Variants in MALRD1 observed in about 807,000 individuals in gnomAD.
The protein encoded by MALRD1 is MAM and LDL receptor class A domain containing 1.
MALRD1 carries 247 observed loss-of-function variants against 242.1 expected under a neutral mutation model. The ratio of observed to expected loss-of-function variants is 1.02; its 90% CI spans 0.92 to 1.13. The LOEUF (loss-of-function observed/expected upper bound fraction) is 1.13, where lower values mean the gene tolerates loss of function less well. MALRD1 is among the 50% of genes most tolerant of loss of function. MALRD1 has a pLI of 0.00. For missense variants in MALRD1, 2,989 were observed against 2,533.1 expected, an observed-to-expected ratio of 1.18 and a Z score of -3.86; for synonymous variants, 995 against 866.6, an observed-to-expected ratio of 1.15 and a Z score of -2.60.
At chr10:19,521,076 A>T (rs1161290216) in intron 31 of MALRD1, among the ~76,000 whole-genome samples, 1 of 152,162 alleles carries the variant, frequency 6.6e-6, no homozygotes, top group African/African-American at 2.4e-5. Flanking sequence ...AGTGAAAAAC[A>T]TGTGAATGAA....
rs1475224987 is a variant in MALRD1 at position 19,312,347 on chromosome 10, C to T, written c.3420-11602C>T. On this transcript the variant is annotated intron_variant, in intron 21 of 39. Coordinates refer to ENST00000454679, the MANE Select transcript of MALRD1 (RefSeq NM_001142308.3). ...CTATTTTTATGCTCTATTAATTAAC[C>T]TCTGGTTCAGTACAGGGCACAGAGG... Among the ~76,000 whole-genome samples the T allele has an allele frequency of 2.7e-5, 4 of 148,328 alleles. No homozygotes were observed. The East Asian group carries it at 7.9e-4, about 29-fold the overall frequency.
intron 33 of MALRD1, among the ~76,000 whole-genome samples, chr10:19,593,879 T>G (rs1327369117): frequency 6.6e-6 from 1 of 152,228 alleles, no homozygotes; most frequent in Non-Finnish European, 1.5e-5. Context: ...TGAAGCAGGT[T>G]ATCTTCAGGA....
At chr10:19,218,134 T>C (rs1402207987) in intron 18 of MALRD1, among the ~76,000 whole-genome samples, 1 of 152,134 alleles carries the variant, frequency 6.6e-6, no homozygotes, top group Non-Finnish European at 1.5e-5. Flanking sequence ...TTTATGTATA[T>C]AAGAGGCTTC....
chr10:19,552,466 T>C (rs1245413535), intron 32 of MALRD1, among the ~76,000 whole-genome samples: 1 of 152,116 alleles, frequency 6.6e-6, no homozygotes, highest in Non-Finnish European at 1.5e-5. Context: ...CTCTCTTTTC[T>C]TCTTTATTAG....
intron 38 of MALRD1, among the ~76,000 whole-genome samples, chr10:19,707,514 GAA>G (rs1485744119): frequency 6.6e-6 from 1 of 152,200 alleles, no homozygotes; most frequent in Admixed American, 6.5e-5. Context: ...AAAAGATTGA[GAA>G]AGAGATTTTC....
At chr10:19,627,638 G>T (rs1325816498) in intron 36 of MALRD1, among the ~76,000 whole-genome samples, 2 of 151,544 alleles carry the variant, frequency 1.3e-5, no homozygotes, top group East Asian at 3.9e-4. Flanking sequence ...GCAGGTTCCT[G>T]TAATCCCAGC....
chr10:19,079,099 G>T (rs764581910), intron 2 of MALRD1, among the ~76,000 whole-genome samples: 2 of 150,774 alleles, frequency 1.3e-5, no homozygotes, highest in Non-Finnish European at 3.0e-5. Flanking sequence ...ATCTTTCCTT[G>T]TTTAAATTTA....
At position 19,567,638 on chromosome 10, in the gene MALRD1, A is replaced by G; in HGVS notation, c.5615A>G (p.Asp1872Gly). ...PFKVAFEADL[D>G]GNEDIFIALD... ...AAGGTGGCATTTGAAGCTGATTTGG[A>G]TGGAAATGAGGACATCTTTATTGCT... The change falls in exon 33 of 40, where the codon GAT (aspartate) becomes GGT (glycine). Residue 1872 changes from aspartate to glycine, a missense_variant. Coordinates refer to ENST00000454679, the MANE Select transcript of MALRD1 (RefSeq NM_001142308.3). 6.4e-7 allele frequency: 1 copy of G among 1,550,710 alleles called. No individual in the cohort carries two copies. The highest frequency in any genetic ancestry group is 1.2e-5 in the South Asian group (1 of 84,056).
intron 38 of MALRD1, among the ~76,000 whole-genome samples, chr10:19,730,107 A>G (rs1226731634): frequency 6.6e-6 from 1 of 152,174 alleles, no homozygotes; most frequent in Admixed American, 6.5e-5. Flanking sequence ...AATTATAGTG[A>G]ATTATGCACA....
At chr10:19,297,310 T>C (rs1321800405) in intron 21 of MALRD1, among the ~76,000 whole-genome samples, 1 of 151,888 alleles carries the variant, frequency 6.6e-6, no homozygotes, top group African/African-American at 2.4e-5. Flanking sequence ...CTTTATGAAC[T>C]AATTTTCTCA....
intron 26 of MALRD1, among the ~76,000 whole-genome samples, chr10:19,370,402 G>T (rs1845322347): frequency 6.6e-6 from 1 of 151,754 alleles, no homozygotes; most frequent in South Asian, 2.1e-4. Flanking sequence ...TTGTCTCAGT[G>T]CTGCTTTTTA....
intron 2 of MALRD1, among the ~76,000 whole-genome samples, chr10:19,073,078 C>A (rs1252482617): frequency 6.6e-6 from 1 of 151,886 alleles, no homozygotes; most frequent in Non-Finnish European, 1.5e-5. Context: ...CCATGCCCGG[C>A]TAATCCTTAT....
chr10:19,244,057 A>G (rs1338849142), intron 18 of MALRD1, among the ~76,000 whole-genome samples: 2 of 152,186 alleles, frequency 1.3e-5, no homozygotes, highest in Non-Finnish European at 2.9e-5. Flanking sequence ...TCAATATGAT[A>G]TGACTTTTCA....
At chr10:19,337,727 T>C (rs1295878211) in intron 24 of MALRD1, among the ~76,000 whole-genome samples, 3 of 152,132 alleles carry the variant, frequency 2.0e-5, no homozygotes, top group African/African-American at 7.2e-5. Context: ...TTAATACCTT[T>C]AGTTTTATAG....
At chr10:19,286,796 G>A (rs1256528300) in intron 21 of MALRD1, among the ~76,000 whole-genome samples, 2 of 151,352 alleles carry the variant, frequency 1.3e-5, no homozygotes, top group African/African-American at 4.9e-5. Flanking sequence ...TAGAAAAGGA[G>A]GGAATCCTCC....
At chr10:19,530,385 T>TTTATATAA (rs1564417186) in intron 31 of MALRD1, among the ~76,000 whole-genome samples, 3,125 of 84,640 alleles carry the variant, frequency 0.037, 426 homozygotes, top group African/African-American at 0.1. Context: ...ATAAATATTA[T>TTTATATAA]ATATTTATAT....
At chr10:19,450,602 A>C (rs1321373548) in intron 29 of MALRD1, 112 bp downstream of exon 29, 3 of 870,980 alleles carry the variant, frequency 3.4e-6, no homozygotes, top group Non-Finnish European at 5.1e-6. Flanking sequence ...ACACATACAC[A>C]AATCAATGGA....
chr10:19,512,832 A>G (rs1212557288), intron 31 of MALRD1, among the ~76,000 whole-genome samples: 5 of 152,060 alleles, frequency 3.3e-5, no homozygotes, highest in Admixed American at 3.3e-4. Flanking sequence ...TTTTTTTTTC[A>G]TAATTTAAGT....
chr10:19,517,556 A>G (rs1833689784), intron 31 of MALRD1, among the ~76,000 whole-genome samples: 1 of 152,180 alleles, frequency 6.6e-6, no homozygotes. Flanking sequence ...GTAGAAAAAC[A>G]CAGATTCTAG....
Sources: gnomAD v4.1 joint callset for allele counts (sites outside exome capture counted in the v4.1 genomes callset) on GRCh38, gnomAD v4.1.1 for gene constraint, MANE v1.5 for transcripts, NCBI Gene and HGNC (gene_info 2026-07-23, HGNC 2026-07-21) for gene names.